Variants in SLC26A5 observed in about 807,000 individuals in gnomAD.
SLC26A5 encodes solute carrier family 26 member 5.
In SLC26A5, 51 loss-of-function variants were observed where a neutral mutation model predicts 81.0. The observed-to-expected ratio is 0.63, with a 90% CI of 0.50 to 0.80. The LOEUF (loss-of-function observed/expected upper bound fraction) is 0.80. SLC26A5 is among the 30% of genes least tolerant of loss of function. The pLI, the probability that SLC26A5 is intolerant of heterozygous loss-of-function variation, is 0.00. For missense variants in SLC26A5, 771 were observed against 905.8 expected (o/e 0.85, Z 1.91); for synonymous variants, 325 against 332.8 (o/e 0.98, Z 0.25).
chr7:103,398,875 T>C (rs180815661), intron 8 of SLC26A5, among the ~76,000 whole-genome samples: 119 of 152,234 alleles, frequency 7.8e-4, no homozygotes, highest in African/African-American at 2.6e-3. Context: ...GCTCTTTTGA[T>C]GGGAGGATCC....
In SLC26A5 at chr7:103,377,594, C is replaced by G; in HGVS notation, c.1986+5G>C. ...ATTAAATGACTCGTTCAAGAGGATGCTTACCCCTGCCAGAGTTTTCACTCC... is the reference window on the plus strand; with the variant it reads ...ATTAAATGACTCGTTCAAGAGGATGGTTACCCCTGCCAGAGTTTTCACTCC... On this transcript the variant is annotated splice_donor_5th_base_variant and intron_variant, in intron 18 of 19. Transcript: ENST00000306312. 6.2e-7 allele frequency: 1 copy of G among 1,613,780 alleles called. No individual in the cohort carries two copies. The highest frequency in any genetic ancestry group is 8.5e-7 in the Non-Finnish European group (1 of 1,179,752).
At chr7:103,353,361 C>A (rs757134970) in intron 19 of SLC26A5, among the ~76,000 whole-genome samples, 1 of 152,084 alleles carries the variant, frequency 6.6e-6, no homozygotes, top group African/African-American at 2.4e-5. Context: ...GGCTGGAGTG[C>A]GGTGATGTGA....
intron 2 of SLC26A5, among the ~76,000 whole-genome samples, chr7:103,431,201 C>T (rs2116801619): frequency 6.6e-6 from 1 of 152,260 alleles, no homozygotes; most frequent in African/African-American, 2.4e-5. Context: ...CTTTTTCCAA[C>T]ATAATATACA....
intron 17 of SLC26A5, 93 bp from the exon 18 acceptor site, chr7:103,377,892 T>C (rs1821477137): frequency 7.3e-6 from 9 of 1,230,422 alleles, no homozygotes; most frequent in Non-Finnish European, 9.5e-6. Context: ...GCTCTTGTGT[T>C]CTTAAGCTAC....
chr7:103,364,298 C>T (rs147608353), intron 19 of SLC26A5: 13 of 1,613,830 alleles, frequency 8.1e-6, no homozygotes, highest in African/African-American at 5.3e-5. Context: ...TACAGAAATA[C>T]GTCGGTGAGG....
At chr7:103,437,888 G>A (rs182818500) in intron 2 of SLC26A5, among the ~76,000 whole-genome samples, 1 of 152,226 alleles carries the variant, frequency 6.6e-6, no homozygotes, top group East Asian at 1.9e-4. Flanking sequence ...TGTTTTGTTG[G>A]GTCTGCACAT....
rs140028370 is a variant in SLC26A5, at chr7:103,407,955, G to C, written c.784C>G (p.Leu262Val). 6.2e-7 allele frequency: 1 copy of C among 1,614,192 alleles called. No individual in the cohort carries two copies. Among genetic ancestry groups the C allele is most frequent in the Non-Finnish European group, 8.5e-7 (1 of 1,180,028 alleles). ...CCAAAAACCATCAGCCCGACGCCTA[G>C]GGAACACACGTTGAGGTTTTTAACA... is the stretch of plus-strand genomic sequence containing the variant. ...QNVKNLNVCS[L>V]GVGLMVFGLL... is the part of the protein sequence containing the mutation. Residue 262 changes from leucine (L) to valine (V), a missense_variant, in exon 8 of 20, where the codon CTA becomes GTA. By Grantham distance (32) the Leu-to-Val change is conservative (BLOSUM62 1). Transcript: ENST00000306312.
At position 103,352,927 on chromosome 7, in the gene SLC26A5, C is replaced by G. The variant is rs778008253; in HGVS notation, c.2042-1G>C. 7.7e-6 allele frequency: 6 copies of G among 780,922 alleles called. No individual in the cohort carries two copies. Among genetic ancestry groups the G allele is most frequent in the East Asian group, 2.4e-5 (1 of 41,238 alleles). The allele number at this position is 780,922 out of a possible 1,614,324, so 48.4% of individuals were successfully genotyped here. On this transcript the variant is annotated splice_acceptor_variant, in intron 19 of 19. Transcript: ENST00000339444. LOFTEE classifies it high-confidence loss of function. Reference sequence around the variant, plus strand: ...TCTTCTGGTCATCTCTGTATGAAAGCTGAAACAAGAGGGTAGAGTGACTTG... The same window carrying G: ...TCTTCTGGTCATCTCTGTATGAAAGGTGAAACAAGAGGGTAGAGTGACTTG...
chr7:103,419,934 C>T (rs1484152088), intron 4 of SLC26A5, among the ~76,000 whole-genome samples: 5 of 152,096 alleles, frequency 3.3e-5, no homozygotes, highest in Non-Finnish European at 2.9e-5. Flanking sequence ...TTCTGCTTAG[C>T]AATCTCATGC....
intron 19 of SLC26A5, among the ~76,000 whole-genome samples, chr7:103,375,018 G>A (rs1821251950): frequency 1.4e-5 from 2 of 145,230 alleles, no homozygotes; most frequent in African/African-American, 5.0e-5. Flanking sequence ...GAAAAGTGGG[G>A]AAAAAATATA....
chr7:103,389,205 T>C (rs1822445508), intron 13 of SLC26A5, 91 bp from the exon 14 acceptor site: 1 of 1,218,044 alleles, frequency 8.2e-7, no homozygotes, highest in Admixed American at 1.7e-5. Context: ...ACATGCTACT[T>C]TTACCTTGTC....
intron 11 of SLC26A5, among the ~76,000 whole-genome samples, chr7:103,391,142 C>T (rs1165878015): frequency 6.6e-6 from 1 of 152,202 alleles, no homozygotes; most frequent in African/African-American, 2.4e-5. Context: ...CGATTACAGG[C>T]ATGAGCTACC....
Position 103,421,562 on chromosome 7 carries a change from G to A in SLC26A5, c.-48C>T. ...ACAGCCGGAGACAAGCATTTCCTGAGTGTCACTAGGGGAAAAAAGAAAAAC... is the reference window on the plus strand; with the variant it reads ...ACAGCCGGAGACAAGCATTTCCTGAATGTCACTAGGGGAAAAAAGAAAAAC... On this transcript the variant is annotated 5_prime_UTR_variant, in exon 3 of 20. Coordinates refer to ENST00000306312, the MANE Select transcript of SLC26A5 (RefSeq NM_198999.3). 6.3e-7 allele frequency: 1 copy of A among 1,595,150 alleles called. No homozygotes were observed. Among genetic ancestry groups the A allele is most frequent in the Non-Finnish European group, 8.6e-7 (1 of 1,164,374 alleles).
At chr7:103,371,308 A>G (rs1387652702), downstream of SLC26A5, among the ~76,000 whole-genome samples, 4 of 145,922 alleles carry the variant, frequency 2.7e-5, no homozygotes, top group African/African-American at 1.1e-4. Context: ...TAAGACAAAT[A>G]CCTTTTTTTA....
rs1824404639 is a variant in SLC26A5, at chr7:103,410,543, G to T, written c.577C>A (p.Leu193Ile). The T allele has an allele frequency of 6.2e-7, 1 of 1,611,724 alleles. No homozygotes were observed. The highest frequency in any genetic ancestry group is 8.5e-7 in the Non-Finnish European group (1 of 1,178,850). The change falls in exon 7 of 20, where the codon CTA (leucine) becomes ATA (isoleucine). Residue 193 changes from leucine to isoleucine, a missense_variant. Coordinates refer to ENST00000306312, the MANE Select transcript of SLC26A5 (RefSeq NM_198999.3). ...TLLSGIIQFC[L>I]GVCRFGFVAI... ...ACAAATCCAAACCTACAGACACCTA[G>T]GCAAAACTATTTTTTTTTAATGACA...
At chr7:103,401,128 T>C (rs1190604292) in intron 8 of SLC26A5, among the ~76,000 whole-genome samples, 2 of 152,236 alleles carry the variant, frequency 1.3e-5, no homozygotes, top group East Asian at 1.9e-4. Context: ...GGGGATAGCA[T>C]TGAATCTATA....
At chr7:103,413,696 T>C (rs988504157) in intron 4 of SLC26A5, among the ~76,000 whole-genome samples, 1 of 152,128 alleles carries the variant, frequency 6.6e-6, no homozygotes, top group Non-Finnish European at 1.5e-5. Context: ...AAGCTTGACA[T>C]TTTACTCCCA....
intron 4 of SLC26A5, among the ~76,000 whole-genome samples, chr7:103,415,953 C>T (rs1257935689): frequency 6.6e-6 from 1 of 152,096 alleles, no homozygotes; most frequent in East Asian, 1.9e-4. Flanking sequence ...CTCTGGTGTT[C>T]TTATGTTTTC....
At chr7:103,442,925 T>A (rs1826983984) in intron 2 of SLC26A5, among the ~76,000 whole-genome samples, 158 bp downstream of exon 2, 2 of 152,174 alleles carry the variant, frequency 1.3e-5, no homozygotes. Flanking sequence ...AAGTGTAAGG[T>A]GTGATGGTTC....
Sources: allele counts gnomAD v4.1 joint callset (sites outside exome capture counted in the v4.1 genomes callset), GRCh38; gene constraint gnomAD v4.1.1; transcripts MANE v1.5; gene names NCBI Gene and HGNC (gene_info 2026-07-23, HGNC 2026-07-21).